MYO5A: variants seen among roughly 807,000 people sequenced by gnomAD.
MYO5A encodes the protein myosin VA, also known as unconventional myosin-Va.
Under a neutral mutation model 249.7 loss-of-function variants are expected in MYO5A, and 98 were observed. The observed-to-expected ratio is 0.39, with a 90% CI of 0.33 to 0.46. The LOEUF (loss-of-function observed/expected upper bound fraction) is 0.46. MYO5A is among the 20% of genes least tolerant of loss of function. The pLI, the probability that MYO5A is intolerant of heterozygous loss-of-function variation, is 0.98. For missense variants in MYO5A, 1,696 were observed against 2,308.8 expected (o/e 0.73, Z 5.44); for synonymous variants, 778 against 810.6 (o/e 0.96, Z 0.68).
chr15:52,347,097 T>A (rs1273254839), intron 29 of MYO5A, among the ~76,000 whole-genome samples: 2 of 152,138 alleles, frequency 1.3e-5, no homozygotes, highest in Non-Finnish European at 2.9e-5. Flanking sequence ...GAATTATTAA[T>A]TATTTTATAT....
intron 5 of MYO5A, among the ~76,000 whole-genome samples, chr15:52,415,765 T>C (rs956469505): frequency 2.0e-5 from 3 of 152,132 alleles, no homozygotes; most frequent in African/African-American, 7.2e-5. Flanking sequence ...AGAAGGAGCA[T>C]AAATAAGAAC....
chr15:52,497,047 C>T (rs1213041437), intron 1 of MYO5A, among the ~76,000 whole-genome samples: 1 of 152,190 alleles, frequency 6.6e-6, no homozygotes, highest in East Asian at 1.9e-4. Context: ...CTGCAACTTC[C>T]ACCTCTCAGG....
intron 31 of MYO5A, 73 bp from the exon 32 acceptor site, chr15:52,340,467 T>C: frequency 7.7e-7 from 1 of 1,304,138 alleles, no homozygotes; most frequent in Non-Finnish European, 1.1e-6. Context: ...TAAGGCATCG[T>C]GTTCACTTGC....
At chr15:52,360,148 TC>T in intron 24 of MYO5A, 67 bp from the exon 25 acceptor site, 1 of 1,077,662 alleles carries the variant, frequency 9.3e-7, no homozygotes, top group Non-Finnish European at 1.4e-6. Context: ...TAAGACAGCA[TC>T]CACCTTGACT....
At chr15:52,460,738 C>CTTTAA (rs1283468514) in intron 1 of MYO5A, among the ~76,000 whole-genome samples, 4 of 152,048 alleles carry the variant, frequency 2.6e-5, no homozygotes, top group African/African-American at 4.8e-5. Context: ...TATATAAAGA[C>CTTTAA]TTTAATGACA....
At chr15:52,513,798 T>C (rs1314021762) in intron 1 of MYO5A, among the ~76,000 whole-genome samples, 1 of 151,860 alleles carries the variant, frequency 6.6e-6, no homozygotes, top group Non-Finnish European at 1.5e-5. Context: ...CACTCAGGGG[T>C]GTTGAGCTAG....
chr15:52,425,229 C>T (rs1298310741), intron 4 of MYO5A, among the ~76,000 whole-genome samples: 1 of 152,188 alleles, frequency 6.6e-6, no homozygotes, highest in Non-Finnish European at 1.5e-5. Context: ...AATACCACTA[C>T]ACTAATCCTT....
rs537775272 is a variant in MYO5A, at chr15:52,463,383, AC to A, written c.28-30099del. On this transcript the variant is annotated intron_variant, in intron 1 of 41. Coordinates refer to ENST00000399233, the MANE Select transcript of MYO5A (RefSeq NM_001382347.1). ...AGTGGCTTTTCAGTTATATTAAAAAACGTCATCCATGAGTTAAGTATTTCTT... is the reference window on the plus strand; with the variant it reads ...AGTGGCTTTTCAGTTATATTAAAAAAGTCATCCATGAGTTAAGTATTTCTT... 1.0e-3 allele frequency among the ~76,000 whole-genome samples: 156 copies of A among 152,304 alleles called. 3 individuals are homozygous for A. The highest frequency in any genetic ancestry group is 3.4e-3 in the Middle Eastern group (1 of 294).
At chr15:52,420,306 CAAAA>C (rs3079056) in intron 4 of MYO5A, among the ~76,000 whole-genome samples, 4 of 124,434 alleles carry the variant, frequency 3.2e-5, no homozygotes, top group Non-Finnish European at 3.6e-5. Flanking sequence ...CCCTGTATTA[CAAAA>C]AAAAAAAAAA....
intron 1 of MYO5A, among the ~76,000 whole-genome samples, chr15:52,483,950 C>A (rs11856989): frequency 0.15 from 22,862 of 152,192 alleles, 1,827 homozygotes; most frequent in Middle Eastern, 0.22. Context: ...AACTGCAAGC[C>A]GTCCACCTCC....
chr15:52,359,214 T>C (rs551304531), intron 25 of MYO5A, among the ~76,000 whole-genome samples: 7 of 152,340 alleles, frequency 4.6e-5, no homozygotes, highest in Admixed American at 3.3e-4. Context: ...CTCTAGCTAT[T>C]CTACCAGAAG....
At chr15:52,316,233 C>CAAAAAAAAAAAAA (rs5812596) in intron 40 of MYO5A, among the ~76,000 whole-genome samples, 2 of 60,346 alleles carry the variant, frequency 3.3e-5, no homozygotes, top group Non-Finnish European at 5.7e-5. Flanking sequence ...GACTCCGTCA[C>CAAAAAAAAAAAAA]AAAAAAAAAA....
chr15:52,407,270 C>T (rs767778506), intron 8 of MYO5A, 22 bp downstream of exon 8: 15 of 1,561,570 alleles, frequency 9.6e-6, no homozygotes, highest in Non-Finnish European at 1.3e-5. Flanking sequence ...CTCTTAAGAG[C>T]TCAAGAATAA....
intron 1 of MYO5A, among the ~76,000 whole-genome samples, chr15:52,436,217 A>C (rs1034049876): frequency 6.6e-6 from 1 of 152,232 alleles, no homozygotes; most frequent in Admixed American, 6.5e-5. Flanking sequence ...GGCGTGAGCC[A>C]CCACACCTGG....
At chr15:52,325,076 ACT>A (rs1567020653) in intron 36 of MYO5A, among the ~76,000 whole-genome samples, 1 of 151,676 alleles carries the variant, frequency 6.6e-6, no homozygotes, top group East Asian at 1.9e-4. Flanking sequence ...ACTAAAAATA[ACT>A]CTGCCTCTTC....
At chr15:52,498,980 T>G (rs1035521633) in intron 1 of MYO5A, among the ~76,000 whole-genome samples, 1 of 152,230 alleles carries the variant, frequency 6.6e-6, no homozygotes, top group Non-Finnish European at 1.5e-5. Context: ...GCATATCAAA[T>G]GTAAGATATC....
At chr15:52,328,378 C>T (rs192053698) in intron 35 of MYO5A, among the ~76,000 whole-genome samples, 22 of 152,304 alleles carry the variant, frequency 1.4e-4, no homozygotes, top group African/African-American at 3.6e-4. Context: ...AATAGCAGGT[C>T]TAGTCTTCCA....
At position 52,501,327 on chromosome 15, in the gene MYO5A, T is replaced by G. The variant is rs544916159; in HGVS notation, c.27+27453A>C. 1.8e-4 allele frequency among the ~76,000 whole-genome samples: 28 copies of G among 152,204 alleles called. No individual in the cohort carries two copies. The South Asian group carries it at 5.6e-3, about 30-fold the overall frequency. On this transcript the variant is annotated intron_variant, in intron 1 of 41. Transcript: ENST00000399233. ...TCTTTGAAATACCTTTGGCCAGGTG[T>G]GGTGTCTCATGCCTGTTATCCCACC...
chr15:52,400,091 TTC>T (rs35105082), intron 9 of MYO5A, among the ~76,000 whole-genome samples: 7,779 of 152,292 alleles, frequency 0.051, 235 homozygotes, highest in South Asian at 0.092. Context: ...TTTTAATTAT[TTC>T]TATCTTATTT....
Sources: allele counts gnomAD v4.1 joint callset (sites outside exome capture counted in the v4.1 genomes callset), GRCh38; gene constraint gnomAD v4.1.1; transcripts MANE v1.5; gene names NCBI Gene and HGNC (gene_info 2026-07-23, HGNC 2026-07-21).